The following GRM8 variants were observed in gnomAD, a reference collection of about 807,000 sequenced individuals.
The protein encoded by GRM8 is metabotropic glutamate receptor 8.
GRM8 carries 47 observed loss-of-function variants against 87.2 expected under a neutral mutation model. The observed-to-expected ratio is 0.54, with a 90% CI of 0.43 to 0.69. The LOEUF (loss-of-function observed/expected upper bound fraction) is 0.69, where lower values mean the gene tolerates loss of function less well. Ranked by LOEUF, GRM8 falls within the 30% of genes least tolerant of loss-of-function variation. GRM8 has a pLI of 0.00. For synonymous variants in GRM8, 396 were observed against 404.5 expected (o/e 0.98, Z 0.25); for missense variants, 1,019 against 1,139.2 (o/e 0.89, Z 1.52).
intron 7 of GRM8, among the ~76,000 whole-genome samples, chr7:126,631,586 A>G (rs1801267190): frequency 6.6e-6 from 1 of 151,732 alleles, no homozygotes; most frequent in African/African-American, 2.4e-5. Context: ...AGACAATCGT[A>G]AGAAAAAGGA....
intron 7 of GRM8, among the ~76,000 whole-genome samples, chr7:126,629,264 T>C (rs1801004246): frequency 6.6e-6 from 1 of 152,240 alleles, no homozygotes; most frequent in African/African-American, 2.4e-5. Context: ...CTGTCTGTTA[T>C]TTCCGGTTTA....
rs1043717390 is a variant in GRM8 at position 126,477,212 on chromosome 7, T to C, written c.2431-30840A>G. Among the ~76,000 whole-genome samples, 4 of 152,094 alleles carry C rather than the reference T, an allele frequency of 2.6e-5. 1 individual carries two copies. Among genetic ancestry groups the C allele is most frequent in the Admixed American group, 1.3e-4 (2 of 15,248 alleles). The stretch of plus-strand genomic sequence containing the variant: ...AAGTTGAACTTATAGAAGCAGAGAC[T>C]GAAATCTTGCTTGCCAGGAGCTGGT... On this transcript the variant is annotated intron_variant, in intron 9 of 10. Coordinates refer to ENST00000339582, the MANE Select transcript of GRM8 (RefSeq NM_000845.3).
chr7:127,005,663 A>G (rs1814212211), intron 3 of GRM8, among the ~76,000 whole-genome samples: 1 of 151,644 alleles, frequency 6.6e-6, no homozygotes, highest in Admixed American at 6.6e-5. Context: ...TTCACTGTAT[A>G]CCTCTCCACG....
intron 2 of GRM8, among the ~76,000 whole-genome samples, chr7:127,224,944 C>G (rs1419396622): frequency 6.6e-6 from 1 of 152,022 alleles, no homozygotes; most frequent in Non-Finnish European, 1.5e-5. Context: ...TTCGCTGGAC[C>G]TAATAAAATG....
chr7:126,927,165 T>C lies in GRM8; in HGVS notation c.728-22482A>G, dbSNP rs1381971371. ...AACAAAAATTTTTAGAAGCAAGGTC[T>C]CACTCCATCACCCAGGCTAGAACGC... On this transcript the variant is annotated intron_variant, in intron 3 of 10. Coordinates refer to ENST00000339582, the MANE Select transcript of GRM8 (RefSeq NM_000845.3). Among the ~76,000 whole-genome samples, 5 of 152,204 alleles carry C rather than the reference T, an allele frequency of 3.3e-5. 1 individual carries two copies. Among genetic ancestry groups the C allele is most frequent in the Admixed American group, 3.3e-4 (5 of 15,286 alleles).
intron 3 of GRM8, among the ~76,000 whole-genome samples, chr7:127,022,692 C>A (rs1261857148): frequency 6.6e-6 from 1 of 151,830 alleles, no homozygotes; most frequent in Non-Finnish European, 1.5e-5. Context: ...TTTTACTAAT[C>A]AAAAAAATCT....
intron 3 of GRM8, among the ~76,000 whole-genome samples, chr7:127,072,240 T>G (rs1206751895): frequency 6.6e-6 from 1 of 152,174 alleles, no homozygotes; most frequent in East Asian, 1.9e-4. Context: ...TTCCTCATAC[T>G]TGCATTTGAG....
At chr7:126,541,884 T>C (rs1172607475) in intron 8 of GRM8, among the ~76,000 whole-genome samples, 2 of 152,226 alleles carry the variant, frequency 1.3e-5, no homozygotes, top group African/African-American at 2.4e-5. Flanking sequence ...AAAATTCATA[T>C]GTTGAAGTCT....
At chr7:127,164,249 C>T (rs1031104147) in intron 2 of GRM8, among the ~76,000 whole-genome samples, 1 of 152,166 alleles carries the variant, frequency 6.6e-6, no homozygotes, top group African/African-American at 2.4e-5. Context: ...TGAGCAGATG[C>T]CAGCATCATG....
At chr7:126,862,993 C>T (rs1437597388) in intron 6 of GRM8, among the ~76,000 whole-genome samples, 1 of 152,052 alleles carries the variant, frequency 6.6e-6, no homozygotes, top group African/African-American at 2.4e-5. Flanking sequence ...TTTTCCCCTT[C>T]CCACTTTCAT....
chr7:127,225,444 A>C (rs1797260504), intron 2 of GRM8, among the ~76,000 whole-genome samples: 1 of 151,806 alleles, frequency 6.6e-6, no homozygotes, highest in African/African-American at 2.4e-5. Flanking sequence ...CTCTGTTTAC[A>C]AAAAGCCAAA....
At chr7:126,731,848 T>C (rs1245447821) in intron 7 of GRM8, among the ~76,000 whole-genome samples, 3 of 152,024 alleles carry the variant, frequency 2.0e-5, no homozygotes, top group Non-Finnish European at 2.9e-5. Context: ...AAAAAATAAA[T>C]CTAAGTAATC....
chr7:126,585,348 T>C (rs890373282), intron 8 of GRM8, among the ~76,000 whole-genome samples: 19 of 152,142 alleles, frequency 1.2e-4, no homozygotes, highest in African/African-American at 4.6e-4. Flanking sequence ...TAATTTCCAG[T>C]TATGCTTTTC....
chr7:126,669,248 T>C (rs974298526), intron 7 of GRM8, among the ~76,000 whole-genome samples: 1 of 152,058 alleles, frequency 6.6e-6, no homozygotes, highest in African/African-American at 2.4e-5. Context: ...AACGGTTTCA[T>C]AGGTGCAGCA....
rs1184545707 is a variant in GRM8, at chr7:126,861,985, TTTTG to T, written c.1156+40553_1156+40556del. On this transcript the variant is annotated intron_variant, in intron 6 of 10. Coordinates refer to ENST00000339582, the MANE Select transcript of GRM8 (RefSeq NM_000845.3). ...TTGTTTTTGTTTTGTTTTGTTTGGG[TTTTG>T]TTTGTTTGTTTGTTTTTGTATGCTT... Among the ~76,000 whole-genome samples, 9 of 151,934 alleles carry T rather than the reference TTTTG, an allele frequency of 5.9e-5. No individual in the cohort carries two copies. The South Asian group carries it at 6.2e-4, about 10-fold the overall frequency.
At chr7:127,038,047 T>C (rs1818013245) in intron 3 of GRM8, among the ~76,000 whole-genome samples, 1 of 152,198 alleles carries the variant, frequency 6.6e-6, no homozygotes, top group South Asian at 2.1e-4. Flanking sequence ...AGTATACATA[T>C]CTACCACTAA....
At chr7:126,839,441 G>T (rs1254525024) in intron 6 of GRM8, among the ~76,000 whole-genome samples, 6 of 152,018 alleles carry the variant, frequency 3.9e-5, no homozygotes, top group Non-Finnish European at 5.9e-5. Flanking sequence ...CAAACTCAGG[G>T]GTCTCTAGCT....
intron 6 of GRM8, among the ~76,000 whole-genome samples, chr7:126,808,030 T>G (rs1003126372): frequency 3.3e-5 from 5 of 152,120 alleles, no homozygotes; most frequent in African/African-American, 7.2e-5. Context: ...ATCCTAGTCC[T>G]GAAACAGCTA....
At chr7:126,856,353 CA>C (rs1276640940) in intron 6 of GRM8, among the ~76,000 whole-genome samples, 2 of 151,784 alleles carry the variant, frequency 1.3e-5, no homozygotes, top group African/African-American at 2.4e-5. Flanking sequence ...AACATCGCCA[CA>C]TTTTTTTTTT....
Sources: allele counts gnomAD v4.1 joint callset (sites outside exome capture counted in the v4.1 genomes callset), GRCh38; gene constraint gnomAD v4.1.1; transcripts MANE v1.5; gene names NCBI Gene and HGNC (gene_info 2026-07-23, HGNC 2026-07-21).